CUX1: variants seen among roughly 807,000 people sequenced by gnomAD.
The protein encoded by CUX1 is cut like homeobox 1, also known as protein CASP.
A neutral mutation model predicts 158.8 loss-of-function variants in CUX1; 31 were observed. That is an observed-to-expected ratio of 0.20 (90% CI 0.15 to 0.26). The LOEUF (loss-of-function observed/expected upper bound fraction) is 0.26, where lower values mean the gene tolerates loss of function less well. CUX1 is among the 10% of genes least tolerant of loss of function. CUX1 has a pLI of 1.00. For missense variants in CUX1, 1,589 were observed against 2,014.6 expected, an observed-to-expected ratio of 0.79 and a Z score of 4.04; for synonymous variants, 879 against 862.1, an observed-to-expected ratio of 1.02 and a Z score of -0.34.
At chr7:102,282,961 A>G in intron 22 of CUX1, 1 of 1,143,126 alleles carries the variant, frequency 8.7e-7, no homozygotes, top group Non-Finnish European at 1.3e-6. Flanking sequence ...ATCACATGGT[A>G]CACACCCCCC....
At chr7:102,111,668 C>T in intron 6 of CUX1, 30 bp from the exon 7 acceptor site, 1 of 1,607,986 alleles carries the variant, frequency 6.2e-7, no homozygotes, top group Non-Finnish European at 8.5e-7. Context: ...AAGGAGATGA[C>T]CAATTTGGCT....
At chr7:101,997,614 G>A (rs1816122416) in intron 2 of CUX1, among the ~76,000 whole-genome samples, 1 of 152,122 alleles carries the variant, frequency 6.6e-6, no homozygotes, top group Non-Finnish European at 1.5e-5. Context: ...AAAGTGCTGG[G>A]ATTATAGGCA....
intron 21 of CUX1, among the ~76,000 whole-genome samples, chr7:102,228,562 C>T (rs1195532840): frequency 6.6e-6 from 1 of 152,048 alleles, no homozygotes; most frequent in Non-Finnish European, 1.5e-5. Context: ...TGGGAGGCCA[C>T]AGCAGGAGGA....
chr7:101,873,150 C>A (rs969625967), intron 1 of CUX1, among the ~76,000 whole-genome samples: 16 of 148,116 alleles, frequency 1.1e-4, no homozygotes, highest in African/African-American at 3.2e-4. Flanking sequence ...GGATTACAGG[C>A]GTGAGCCACC....
intron 2 of CUX1, among the ~76,000 whole-genome samples, chr7:101,990,387 TTTGTTTTG>T (rs1814944726): frequency 1.4e-5 from 2 of 144,766 alleles, no homozygotes; most frequent in East Asian, 4.1e-4. Context: ...TGTTTGTTTG[TTTGTTTTG>T]TTTTTTTGAG....
intron 3 of CUX1, among the ~76,000 whole-genome samples, chr7:102,035,092 AT>A (rs1476133096): frequency 1.8e-4 from 24 of 136,596 alleles, no homozygotes; most frequent in African/African-American, 5.9e-4. Flanking sequence ...AAAAAAAAAA[AT>A]TCCCAGAAAA....
At chr7:101,920,326 GT>G (rs1034699798) in intron 2 of CUX1, among the ~76,000 whole-genome samples, 1 of 152,050 alleles carries the variant, frequency 6.6e-6, no homozygotes, top group East Asian at 1.9e-4. Context: ...GTTTCACCAT[GT>G]TGCCCAGGCT....
chr7:102,247,018 T>C (rs1800881291), intron 23 of CUX1, among the ~76,000 whole-genome samples: 1 of 152,120 alleles, frequency 6.6e-6, no homozygotes, highest in African/African-American at 2.4e-5. Context: ...AGCAACATCA[T>C]GAGATCCTGT....
chr7:102,179,619 C>CT (rs1351073066), intron 11 of CUX1, among the ~76,000 whole-genome samples: 2 of 152,200 alleles, frequency 1.3e-5, no homozygotes, highest in Admixed American at 6.5e-5. Context: ...GAACCCAGAG[C>CT]TTTTTCCACA....
chr7:101,951,256 G>A (rs1373015037), intron 2 of CUX1, among the ~76,000 whole-genome samples: 1 of 151,872 alleles, frequency 6.6e-6, no homozygotes, highest in African/African-American at 2.4e-5. Flanking sequence ...TCTTGAGCCT[G>A]GGTGGCAGAG....
At chr7:102,266,538 G>A (rs1351073647) in intron 14 of CUX1, among the ~76,000 whole-genome samples, 1 of 152,000 alleles carries the variant, frequency 6.6e-6, no homozygotes, top group Non-Finnish European at 1.5e-5. Flanking sequence ...CACTGGGGAG[G>A]CATCGGCTTG....
At chr7:102,063,892 C>T (rs1184354825) in intron 3 of CUX1, among the ~76,000 whole-genome samples, 1 of 152,186 alleles carries the variant, frequency 6.6e-6, no homozygotes, top group Non-Finnish European at 1.5e-5. Context: ...ATCCCTGAGT[C>T]AGGCAGCCTT....
chr7:101,863,491 T>C (rs1797669903), intron 1 of CUX1, among the ~76,000 whole-genome samples: 1 of 152,042 alleles, frequency 6.6e-6, no homozygotes, highest in Non-Finnish European at 1.5e-5. Flanking sequence ...GCTGGGATTA[T>C]AGGCATGTGC....
intron 9 of CUX1, among the ~76,000 whole-genome samples, chr7:102,160,814 A>T (rs1554506884): frequency 6.6e-6 from 1 of 152,166 alleles, no homozygotes; most frequent in African/African-American, 2.4e-5. Flanking sequence ...TTGTTGTTAA[A>T]TGGGTACAGA....
At chr7:101,977,899 A>G (rs1812912663) in intron 2 of CUX1, among the ~76,000 whole-genome samples, 1 of 152,188 alleles carries the variant, frequency 6.6e-6, no homozygotes, top group South Asian at 2.1e-4. Context: ...TGTGAAAATT[A>G]TTGAAAAGTA....
At chr7:102,141,703 A>T (rs1442128398) in intron 8 of CUX1, among the ~76,000 whole-genome samples, 18 of 151,792 alleles carry the variant, frequency 1.2e-4, no homozygotes, top group Middle Eastern at 3.4e-3. Context: ...GCTCACTTCA[A>T]CCTGTGCCTC....
intron 18 of CUX1, 115 bp from the exon 19 acceptor site, chr7:102,204,276 C>G: frequency 7.3e-7 from 1 of 1,369,028 alleles, no homozygotes; most frequent in South Asian, 1.3e-5. Flanking sequence ...TGGTTCTGTG[C>G]TCAGAAGTCA....
At chr7:101,972,441 G>A (rs568023947) in intron 2 of CUX1, among the ~76,000 whole-genome samples, 29 of 152,306 alleles carry the variant, frequency 1.9e-4, no homozygotes, top group African/African-American at 4.1e-4. Flanking sequence ...CTCCTCGGAC[G>A]GCATCTGACC....
chr7:101,870,484 G>C lies in CUX1; in HGVS notation c.31-45631G>C, dbSNP rs1366763215. On this transcript the variant is annotated intron_variant, in intron 1 of 23. Coordinates refer to ENST00000292535, the MANE Select transcript of CUX1 (RefSeq NM_181552.4). ...TTCCCTAATGTTTAGTTTTAAAGAG[G>C]GGGTGGTGCTATTTATCTCCAGGCT... Among the ~76,000 whole-genome samples, 7 of 152,192 alleles carry C rather than the reference G, an allele frequency of 4.6e-5. No homozygotes were observed. The East Asian group carries it at 1.3e-3, about 29-fold the overall frequency.
Sources: allele counts gnomAD v4.1 joint callset (sites outside exome capture counted in the v4.1 genomes callset), GRCh38; gene constraint gnomAD v4.1.1; transcripts MANE v1.5; gene names NCBI Gene and HGNC (gene_info 2026-07-23, HGNC 2026-07-21).